The following TTC28 variants were observed in gnomAD, a reference collection of about 807,000 sequenced individuals.
TTC28 encodes the protein tetratricopeptide repeat domain 28.
Under a neutral mutation model 198.0 loss-of-function variants are expected in TTC28, and 61 were observed. That is an observed-to-expected ratio of 0.31 (90% confidence interval 0.25 to 0.38). The LOEUF (loss-of-function observed/expected upper bound fraction) is 0.38. TTC28 is among the 10% of genes least tolerant of loss of function. The pLI is 1.00. For missense variants in TTC28, 2,678 were observed against 3,164.0 expected, an observed-to-expected ratio of 0.85 and a Z score of 3.69; for synonymous variants, 1,171 against 1,297.8, an observed-to-expected ratio of 0.90 and a Z score of 2.10.
chr22:28,399,689 T>G (rs1338277582), intron 2 of TTC28, among the ~76,000 whole-genome samples: 1 of 152,208 alleles, frequency 6.6e-6, no homozygotes, highest in Non-Finnish European at 1.5e-5. Context: ...TCTTAAATAC[T>G]ATCAGTTCAA....
At chr22:28,337,485 G>C (rs1004016898) in intron 2 of TTC28, among the ~76,000 whole-genome samples, 1 of 152,158 alleles carries the variant, frequency 6.6e-6, no homozygotes, top group Non-Finnish European at 1.5e-5. Context: ...AAGTCTCTTT[G>C]TAGGTCTCTA....
intron 2 of TTC28, among the ~76,000 whole-genome samples, chr22:28,350,575 C>A (rs762919386): frequency 6.6e-6 from 1 of 152,178 alleles, no homozygotes; most frequent in African/African-American, 2.4e-5. Flanking sequence ...ATGGATGGAA[C>A]CGTATTTCTG....
At chr22:28,450,328 T>C (rs1167971801) in intron 2 of TTC28, among the ~76,000 whole-genome samples, 1 of 152,190 alleles carries the variant, frequency 6.6e-6, no homozygotes, top group Non-Finnish European at 1.5e-5. Flanking sequence ...AGATGGAATG[T>C]GAGACTTAAC....
At chr22:28,093,673 G>A (rs571401677) in intron 12 of TTC28, among the ~76,000 whole-genome samples, 7 of 152,196 alleles carry the variant, frequency 4.6e-5, no homozygotes, top group Middle Eastern at 3.4e-3. Context: ...CACATATCCT[G>A]TCACTGGTAC....
chr22:28,673,415 T>G (rs1269810237), intron 1 of TTC28, among the ~76,000 whole-genome samples: 1 of 152,164 alleles, frequency 6.6e-6, no homozygotes, highest in Non-Finnish European at 1.5e-5. Flanking sequence ...AATGCATTAT[T>G]ATTGTATGTA....
chr22:28,162,666 G>A (rs1034570456), intron 6 of TTC28, among the ~76,000 whole-genome samples: 6 of 152,208 alleles, frequency 3.9e-5, no homozygotes, highest in Non-Finnish European at 7.3e-5. Context: ...TCTAAAGAAA[G>A]AGGCCAGGTA....
intron 2 of TTC28, among the ~76,000 whole-genome samples, chr22:28,583,337 A>G (rs1347110791): frequency 6.6e-6 from 1 of 152,228 alleles, no homozygotes; most frequent in Non-Finnish European, 1.5e-5. Context: ...AAATGTGTAC[A>G]ATATTGCTTT....
intron 12 of TTC28, among the ~76,000 whole-genome samples, chr22:28,061,228 C>G (rs987584151): frequency 2.6e-5 from 4 of 152,176 alleles, no homozygotes; most frequent in African/African-American, 9.7e-5. Context: ...TTAATTAGAT[C>G]CCATTTGTCA....
intron 2 of TTC28, among the ~76,000 whole-genome samples, chr22:28,331,226 A>G (rs1238255759): frequency 6.6e-6 from 1 of 152,164 alleles, no homozygotes. Context: ...CTAAGCTAAG[A>G]GCTTGTAAGT....
intron 12 of TTC28, among the ~76,000 whole-genome samples, chr22:28,086,697 A>C (rs1023887635): frequency 6.6e-6 from 1 of 152,112 alleles, no homozygotes; most frequent in African/African-American, 2.4e-5. Context: ...GACACAAAAA[A>C]CCCTTCAAAA....
chr22:28,121,502 T>G (rs1285339798), intron 6 of TTC28, among the ~76,000 whole-genome samples: 1 of 152,258 alleles, frequency 6.6e-6, no homozygotes, highest in East Asian at 1.9e-4. Context: ...TCTCAAGACC[T>G]AGAGCAGACA....
chr22:28,566,578 T>C (rs2049973210), intron 2 of TTC28, among the ~76,000 whole-genome samples: 2 of 152,204 alleles, frequency 1.3e-5, no homozygotes, highest in Non-Finnish European at 2.9e-5. Flanking sequence ...CTGTGCTACA[T>C]GAACAATAAG....
intron 12 of TTC28, among the ~76,000 whole-genome samples, chr22:28,077,821 G>C (rs1397685505): frequency 6.6e-6 from 1 of 152,030 alleles, no homozygotes; most frequent in East Asian, 1.9e-4. Flanking sequence ...CCATTAAAAG[G>C]GCAATGTACA....
chr22:27,994,934 G>A (rs1937525569), intron 17 of TTC28, among the ~76,000 whole-genome samples: 1 of 152,296 alleles, frequency 6.6e-6, no homozygotes, highest in Non-Finnish European at 1.5e-5. Flanking sequence ...TAACAGTGGA[G>A]AGGGCCTCCC....
At chr22:28,060,913 T>A (rs1402505050) in intron 12 of TTC28, among the ~76,000 whole-genome samples, 2 of 152,256 alleles carry the variant, frequency 1.3e-5, no homozygotes, top group Non-Finnish European at 2.9e-5. Flanking sequence ...ACTGCCATTC[T>A]AACTGGTGTG....
At chr22:28,322,119 C>T (rs5752720) in intron 2 of TTC28, among the ~76,000 whole-genome samples, 31,685 of 152,038 alleles carry the variant, frequency 0.21, 4,121 homozygotes, top group East Asian at 0.48. Context: ...CATGAGCCAC[C>T]GTGCCTGGCC....
At chr22:28,070,920 A>G (rs192505414) in intron 12 of TTC28, among the ~76,000 whole-genome samples, 2 of 152,268 alleles carry the variant, frequency 1.3e-5, no homozygotes, top group Admixed American at 1.3e-4. Flanking sequence ...TGTCAACCCA[A>G]CTTTGGGCTT....
At chr22:28,031,361 C>G (rs1023904719) in intron 12 of TTC28, among the ~76,000 whole-genome samples, 2 of 152,180 alleles carry the variant, frequency 1.3e-5, no homozygotes, top group African/African-American at 4.8e-5. Flanking sequence ...GATACCTCGC[C>G]CCCAGATAAC....
chr22:28,388,423 A>C (rs2046653994), intron 2 of TTC28, among the ~76,000 whole-genome samples: 1 of 152,162 alleles, frequency 6.6e-6, no homozygotes, highest in African/African-American at 2.4e-5. Context: ...TGAATCTGTA[A>C]ATTATCTTGG....
Sources: gnomAD v4.1 joint callset for allele counts (sites outside exome capture counted in the v4.1 genomes callset) on GRCh38, gnomAD v4.1.1 for gene constraint, MANE v1.5 for transcripts, NCBI Gene and HGNC (gene_info 2026-07-23, HGNC 2026-07-21) for gene names.